Variants in INPP4B observed in about 807,000 individuals in gnomAD.
INPP4B encodes inositol polyphosphate 4-phosphatase type II.
In INPP4B, 55 loss-of-function variants were observed where a neutral mutation model predicts 122.5. The ratio of observed to expected loss-of-function variants is 0.45; its 90% CI spans 0.36 to 0.56. The LOEUF (loss-of-function observed/expected upper bound fraction) is 0.56. INPP4B is among the 20% of genes least tolerant of loss of function. The probability of loss-of-function intolerance (pLI) is 0.00; values close to 1 mark genes in which losing one functional copy is unlikely to be tolerated. For missense variants in INPP4B, 1,000 were observed against 1,097.7 expected, an observed-to-expected ratio of 0.91 and a Z score of 1.26; for synonymous variants, 403 against 388.7, an observed-to-expected ratio of 1.04 and a Z score of -0.43.
chr4:142,225,219 C>T (rs1207262586), intron 12 of INPP4B, among the ~76,000 whole-genome samples: 5 of 152,140 alleles, frequency 3.3e-5, no homozygotes, highest in Non-Finnish European at 7.3e-5. Flanking sequence ...ATGTTTCCTG[C>T]TCTCGAACAT....
At chr4:142,118,181 A>G (rs892896447) in intron 21 of INPP4B, among the ~76,000 whole-genome samples, 19 of 152,146 alleles carry the variant, frequency 1.2e-4, no homozygotes, top group African/African-American at 4.6e-4. Flanking sequence ...ACGCTCATGC[A>G]TAGGAAGAAC....
At chr4:142,244,179 G>A (rs1860928588) in intron 11 of INPP4B, among the ~76,000 whole-genome samples, 2 of 150,574 alleles carry the variant, frequency 1.3e-5, no homozygotes, top group Admixed American at 1.3e-4. Flanking sequence ...TTCCGTCCCT[G>A]TGTTAGTTTG....
intron 8 of INPP4B, among the ~76,000 whole-genome samples, chr4:142,313,976 A>G (rs1418036413): frequency 6.6e-6 from 1 of 152,196 alleles, no homozygotes; most frequent in African/African-American, 2.4e-5. Context: ...ACTGACTGGA[A>G]GAAGGTTGTC....
chr4:142,275,170 G>A (rs1747785320), intron 9 of INPP4B, among the ~76,000 whole-genome samples: 1 of 151,610 alleles, frequency 6.6e-6, no homozygotes, highest in African/African-American at 2.4e-5. Flanking sequence ...ATATAAAACA[G>A]TCTTCTAACA....
chr4:142,357,130 G>C (rs2148473330), intron 7 of INPP4B, among the ~76,000 whole-genome samples: 1 of 152,116 alleles, frequency 6.6e-6, no homozygotes, highest in East Asian at 1.9e-4. Context: ...ATTAGCAATA[G>C]TAAGTAGAAT....
chr4:142,739,350 C>A (rs1193957401), intron 1 of INPP4B, among the ~76,000 whole-genome samples: 60 of 151,836 alleles, frequency 4.0e-4, no homozygotes, highest in Admixed American at 3.7e-3. Context: ...TATTAATTTA[C>A]TTGAGCATAT....
chr4:142,375,478 T>TA (rs559063801), intron 7 of INPP4B, among the ~76,000 whole-genome samples: 1 of 151,898 alleles, frequency 6.6e-6, no homozygotes, highest in Non-Finnish European at 1.5e-5. Flanking sequence ...GTTTGCTTAA[T>TA]AAAAAAGTCA....
intron 7 of INPP4B, among the ~76,000 whole-genome samples, chr4:142,326,518 T>C (rs758876526): frequency 4.6e-5 from 7 of 152,226 alleles, no homozygotes; most frequent in Non-Finnish European, 8.8e-5. Context: ...TCAAAGCTCA[T>C]GTATTCTACT....
intron 2 of INPP4B, chr4:142,654,372 A>AAG (rs1296058008): frequency 6.6e-6 from 1 of 150,670 alleles, no homozygotes; most frequent in Non-Finnish European, 1.5e-5. Context: ...AAGTATAAAA[A>AAG]AAAAAAAAAA....
intron 25 of INPP4B, among the ~76,000 whole-genome samples, chr4:142,065,791 T>G (rs1274420532): frequency 6.6e-6 from 1 of 152,130 alleles, no homozygotes; most frequent in African/African-American, 2.4e-5. Context: ...TACTAAAAAC[T>G]ACTGCATTGT....
intron 2 of INPP4B, among the ~76,000 whole-genome samples, chr4:142,482,539 G>A (rs1331346249): frequency 6.6e-6 from 1 of 152,006 alleles, no homozygotes; most frequent in African/African-American, 2.4e-5. Context: ...GAACTTCAAC[G>A]CTAAATATTT....
intron 12 of INPP4B, among the ~76,000 whole-genome samples, chr4:142,216,914 T>C (rs1319291826): frequency 6.6e-6 from 1 of 152,168 alleles, no homozygotes; most frequent in Non-Finnish European, 1.5e-5. Context: ...ATGTGTAAAA[T>C]ATTGGCCGGA....
chr4:142,471,384 T>C (rs977994321), intron 2 of INPP4B, among the ~76,000 whole-genome samples: 3 of 152,184 alleles, frequency 2.0e-5, no homozygotes, highest in African/African-American at 4.8e-5. Context: ...TTATTTTTGT[T>C]TGGTGGATTT....
rs201208910 is a variant in INPP4B at position 142,123,263 on chromosome 4, A to T, written c.2017+29T>A. ...AAATGTCCTTCTGAATAGAAATGTG[A>T]TTTTAACTTGTACTAAAGCAATACT... On this transcript the variant is annotated intron_variant, in intron 20 of 25. Transcript: ENST00000262992. 118 of 1,520,368 alleles carry T rather than the reference A, an allele frequency of 7.8e-5. 1 individual carries two copies. Among genetic ancestry groups the T allele is most frequent in the Non-Finnish European group, 9.8e-5 (111 of 1,128,368 alleles). The allele number at this position is 1,520,368 out of a possible 1,614,324, so 94.2% of individuals were successfully genotyped here. A position where few individuals can be genotyped will look rare whatever the true frequency, so the allele number is the denominator to read the frequency against.
intron 2 of INPP4B, among the ~76,000 whole-genome samples, chr4:142,626,816 A>G (rs1746534366): frequency 6.6e-6 from 1 of 152,076 alleles, no homozygotes; most frequent in Admixed American, 6.6e-5. Flanking sequence ...ATTGTTCTTA[A>G]TACTTACTGA....
chr4:142,473,942 A>G (rs1378873330), intron 2 of INPP4B, among the ~76,000 whole-genome samples: 1 of 152,140 alleles, frequency 6.6e-6, no homozygotes, highest in Non-Finnish European at 1.5e-5. Context: ...CAGGTGGACA[A>G]TGCTTGCTAG....
intron 7 of INPP4B, among the ~76,000 whole-genome samples, chr4:142,321,437 A>C (rs1008386142): frequency 3.9e-5 from 6 of 152,064 alleles, no homozygotes; most frequent in African/African-American, 1.4e-4. Flanking sequence ...GTTTAATTAA[A>C]TCCCATCTAT....
chr4:142,840,178 T>C lies in INPP4B; in HGVS notation c.-254+6031A>G, dbSNP rs147970125. Among the ~76,000 whole-genome samples, 8 of 152,268 alleles carry C rather than the reference T, an allele frequency of 5.3e-5. No individual in the cohort carries two copies. In the East Asian group the frequency reaches 1.5e-3, roughly 29 times the overall value. ...TTCAATTTGGTCACTGGTGACCGGG[T>C]CATCACTATAACAGAGGACATTAGG... On this transcript the variant is annotated intron_variant, in intron 1 of 25. Coordinates refer to ENST00000262992, the MANE Select transcript of INPP4B (RefSeq NM_001101669.3).
At chr4:142,636,053 C>T (rs142448345) in intron 2 of INPP4B, among the ~76,000 whole-genome samples, 4 of 151,976 alleles carry the variant, frequency 2.6e-5, no homozygotes, top group Non-Finnish European at 5.9e-5. Context: ...GGGGCAGTTT[C>T]CCCCATGCAG....
Sources: gnomAD v4.1 joint callset for allele counts (sites outside exome capture counted in the v4.1 genomes callset) on GRCh38, gnomAD v4.1.1 for gene constraint, MANE v1.5 for transcripts, NCBI Gene and HGNC (gene_info 2026-07-23, HGNC 2026-07-21) for gene names.